JRK: variants seen among roughly 807,000 people sequenced by gnomAD.
JRK encodes the protein jerky protein homolog.
For missense variants in JRK, 720 were observed against 509.2 expected, an observed-to-expected ratio of 1.41 and a Z score of -3.98; for synonymous variants, 303 against 218.1, an observed-to-expected ratio of 1.39 and a Z score of -3.43.
At chr8:142,644,371 A>C in the JRK span, among the ~76,000 whole-genome samples, 1 of 152,122 alleles carries the variant, frequency 6.6e-6, no homozygotes, top group Non-Finnish European at 1.5e-5. Context: ...ATGTACACTA[A>C]GTCTTATCAG....
In JRK at chr8:142,658,625, G is replaced by A. The variant is rs1267198181; in HGVS notation, c.*5727C>T. ...TCTCATCGGCGAGCCCCACCCTCAC[G>A]ATCTCACCTAAGCCTAGTCACCTCC... is the stretch of plus-strand genomic sequence containing the variant. On this transcript the variant is annotated 3_prime_UTR_variant, in exon 2 of 2. Coordinates refer to ENST00000612905, the MANE Select transcript of JRK (RefSeq NM_003724.4). The A allele has an allele frequency of 2.0e-5, 10 of 491,022 alleles. No individual in the cohort carries two copies. The Admixed American group carries it at 2.2e-4, about 11-fold the overall frequency. 30.4% of individuals were successfully genotyped at this position (491,022 alleles called of 1,614,324 possible).
chr8:142,665,995 G>T lies in JRK; in HGVS notation c.64C>A (p.Leu22Met), dbSNP rs1216423790. The T allele has an allele frequency of 1.5e-6, 2 of 1,321,374 alleles. No homozygotes were observed. Among genetic ancestry groups the T allele is most frequent in the Non-Finnish European group, 2.2e-6 (2 of 913,340 alleles). 81.9% of individuals were successfully genotyped at this position (1,321,374 alleles called of 1,614,324 possible). The change falls in exon 2 of 2, where the codon CTG (leucine) becomes ATG (methionine). Residue 22 changes from leucine (L) to methionine (M), a missense_variant. Transcript: ENST00000612905. Reference sequence around the variant, plus strand: ...GTGCAGATGTCAATCTTCTCCTTCAGTGTCAGCACCACCCTCTTCCGCTTC... The same window carrying T: ...GTGCAGATGTCAATCTTCTCCTTCATTGTCAGCACCACCCTCTTCCGCTTC... ...GEKRKRVVLT[L>M]KEKIDICTRL...
chr8:142,645,838 T>C, the JRK span, among the ~76,000 whole-genome samples: 4 of 152,256 alleles, frequency 2.6e-5, no homozygotes, highest in Non-Finnish European at 4.4e-5. Context: ...CTGTCTCATA[T>C]AAAATTACTT....
chr8:142,660,801 G>A lies in JRK; in HGVS notation c.*3551C>T, dbSNP rs1846891313. 3 of 985,492 alleles carry A rather than the reference G, an allele frequency of 3.0e-6. No individual in the cohort carries two copies. Among genetic ancestry groups the A allele is most frequent in the South Asian group, 4.7e-5 (1 of 21,294 alleles). The allele number at this position is 985,492 out of a possible 1,614,324, so 61.0% of individuals were successfully genotyped here. On this transcript the variant is annotated 3_prime_UTR_variant, in exon 2 of 2. Transcript: ENST00000612905. ...CAAGTTGTCGCTGCCCTGTGCCACA[G>A]CCTCCCAAGAATGGATGCAGTCTAC...
chr8:142,657,123 G>C (rs1318603906), downstream of JRK, among the ~76,000 whole-genome samples: 2 of 152,196 alleles, frequency 1.3e-5, no homozygotes, highest in African/African-American at 4.8e-5. Context: ...GAAACTGGAG[G>C]AGCTCAGACA....
the JRK span, among the ~76,000 whole-genome samples, chr8:142,647,286 A>T: frequency 2.6e-5 from 4 of 152,084 alleles, no homozygotes; most frequent in Non-Finnish European, 5.9e-5. Flanking sequence ...AATGAAAAAA[A>T]ATTTCCTCAT....
In JRK at chr8:142,664,721, C is replaced by T. The variant is rs782102072; in HGVS notation, c.1338G>A (p.Glu446=). 19 of 1,604,222 alleles carry T rather than the reference C, an allele frequency of 1.2e-5. No homozygotes were observed. In the African/African-American group the frequency reaches 2.5e-4, roughly 21 times the overall value. ...QAASWGVAGR[E]AEGGRPPAAT... is the part of the protein sequence containing the mutation. ...CAGCAGGGGGCCGTCCCCCTTCTGC[C>T]TCCCTTCCCGCTACCCCCCAGCTGG... Residue 446 remains glutamate (E), a synonymous_variant, in exon 2 of 2, where the codon GAG becomes GAA. Coordinates refer to ENST00000612905, the MANE Select transcript of JRK (RefSeq NM_003724.4).
In JRK at chr8:142,661,216, G is replaced by A. The variant is rs891821162; in HGVS notation, c.*3136C>T. 8.1e-6 allele frequency: 8 copies of A among 985,460 alleles called. No homozygotes were observed. Among genetic ancestry groups the A allele is most frequent in the Non-Finnish European group, 9.6e-6 (8 of 830,050 alleles). The allele number at this position is 985,460 out of a possible 1,614,324, so 61.0% of individuals were successfully genotyped here. On this transcript the variant is annotated 3_prime_UTR_variant, in exon 2 of 2. Coordinates refer to ENST00000612905, the MANE Select transcript of JRK (RefSeq NM_003724.4). Reference sequence around the variant, plus strand: ...CCAGGACAGCGTGCCTGGGGTGCTCGCAGAAGGCCAGGCTGGCACAGGCAG... The same window carrying A: ...CCAGGACAGCGTGCCTGGGGTGCTCACAGAAGGCCAGGCTGGCACAGGCAG...
rs1401683232 is a variant in JRK at position 142,662,237 on chromosome 8, G to A, written c.*2115C>T. On this transcript the variant is annotated 3_prime_UTR_variant, in exon 2 of 2. Coordinates refer to ENST00000612905, the MANE Select transcript of JRK (RefSeq NM_003724.4). ...AGAGCTCAGGTCCTGAAGAGCTACA[G>A]TCTGACAGGGACAAGCCATGTCCAG... The A allele has an allele frequency of 1.0e-6, 1 of 985,390 alleles. No individual in the cohort carries two copies. Among genetic ancestry groups the A allele is most frequent in the African/African-American group, 1.7e-5 (1 of 57,236 alleles). The allele number at this position is 985,390 out of a possible 1,614,324, so 61.0% of individuals were successfully genotyped here. A position where few individuals can be genotyped will look rare whatever the true frequency, so the allele number is the denominator to read the frequency against.
Position 142,665,326 on chromosome 8 carries a change from T to C in JRK, c.733A>G (p.Lys245Glu), listed in dbSNP as rs1847078025. 1.4e-6 allele frequency: 1 copy of C among 717,668 alleles called. No homozygotes were observed. Among genetic ancestry groups the C allele is most frequent in the Non-Finnish European group, 2.6e-6 (1 of 385,088 alleles). 44.5% of individuals were successfully genotyped at this position (717,668 alleles called of 1,614,324 possible). ...GCGACGGGCAGGTGCTGGATGCCTT[T>C]GAAAGCCCTGGGACCGCTGCACTTC... ...IGKCSGPRAFKGIQHLPVAYK... is the reference protein window; with the variant it reads ...IGKCSGPRAFEGIQHLPVAYK... The change falls in exon 2 of 2, where the codon AAA (lysine) becomes GAA (glutamate). Residue 245 changes from lysine to glutamate, a missense_variant. Physicochemically the swap from Lys to Glu is moderately conservative, Grantham distance 56. Transcript: ENST00000612905.
the JRK span, among the ~76,000 whole-genome samples, chr8:142,647,551 GCTCT>G: frequency 4.6e-5 from 7 of 152,086 alleles, no homozygotes; most frequent in African/African-American, 1.4e-4. Flanking sequence ...CCCTGCACAA[GCTCT>G]CTCTCTTTGC....
downstream of JRK, among the ~76,000 whole-genome samples, chr8:142,652,484 C>A (rs1444170456): frequency 1.3e-5 from 2 of 152,150 alleles, no homozygotes; most frequent in Non-Finnish European, 2.9e-5. Flanking sequence ...AGATAAGAGA[C>A]AAATGGTTGC....
the JRK span, among the ~76,000 whole-genome samples, chr8:142,647,265 T>A: frequency 6.6e-6 from 1 of 151,916 alleles, no homozygotes; most frequent in Admixed American, 6.6e-5. Context: ...GCACTTAAAA[T>A]TTTTTTTCTT....
chr8:142,669,589 C>T (rs976892026), intron 1 of JRK, among the ~76,000 whole-genome samples: 18 of 152,176 alleles, frequency 1.2e-4, no homozygotes, highest in Non-Finnish European at 2.5e-4. Flanking sequence ...GTGACCAAGC[C>T]TCTCTGAGAG....
rs1307083978 is a variant in JRK, at chr8:142,663,152, CAAGAA to C, written c.*1195_*1199del. On this transcript the variant is annotated 3_prime_UTR_variant, in exon 2 of 2. Transcript: ENST00000612905. ...TGGTCAACAGAGTGAGACCCTGCCT[CAAGAA>C]AAGAAAAGGACAATGCACCTATTTT... 4 of 985,042 alleles carry C rather than the reference CAAGAA, an allele frequency of 4.1e-6. No homozygotes were observed. The African/African-American group carries it at 5.2e-5, about 13-fold the overall frequency. 61.0% of individuals were successfully genotyped at this position (985,042 alleles called of 1,614,324 possible).
In JRK at chr8:142,659,326, G is replaced by A; in HGVS notation, c.*5026C>T. On this transcript the variant is annotated 3_prime_UTR_variant, in exon 2 of 2. Coordinates refer to ENST00000612905, the MANE Select transcript of JRK (RefSeq NM_003724.4). The stretch of plus-strand genomic sequence containing the variant: ...CCCCAGAGCAGACCATGCTGACACT[G>A]GGCAACACATTCCCTGCTCTGGACC... The A allele has an allele frequency of 1.0e-6, 1 of 1,001,570 alleles. No individual in the cohort carries two copies. Among genetic ancestry groups the A allele is most frequent in the Non-Finnish European group, 1.2e-6 (1 of 839,962 alleles). 62.0% of individuals were successfully genotyped at this position (1,001,570 alleles called of 1,614,324 possible). A position where few individuals can be genotyped will look rare whatever the true frequency, so the allele number is the denominator to read the frequency against.
chr8:142,661,219 G>C lies in JRK; in HGVS notation c.*3133C>G, dbSNP rs1010185224. On this transcript the variant is annotated 3_prime_UTR_variant, in exon 2 of 2. Transcript: ENST00000612905. ...GGACAGCGTGCCTGGGGTGCTCGCA[G>C]AAGGCCAGGCTGGCACAGGCAGGAC... The C allele has an allele frequency of 3.6e-5, 35 of 985,500 alleles. No homozygotes were observed. Among genetic ancestry groups the C allele is most frequent in the Middle Eastern group, 5.1e-4 (1 of 1,944 alleles). 61.0% of individuals were successfully genotyped at this position (985,500 alleles called of 1,614,324 possible). A position where few individuals can be genotyped will look rare whatever the true frequency, so the allele number is the denominator to read the frequency against.
In JRK at chr8:142,661,275, A is replaced by T; in HGVS notation, c.*3077T>A. The stretch of plus-strand genomic sequence containing the variant: ...TTCTGTAAACCAACCCCAACGTAGA[A>T]GGGGCTGAAAGACCACCTACCCATC... On this transcript the variant is annotated 3_prime_UTR_variant, in exon 2 of 2. Transcript: ENST00000612905. 1.0e-6 allele frequency: 1 copy of T among 985,462 alleles called. No individual in the cohort carries two copies. Among genetic ancestry groups the T allele is most frequent in the Non-Finnish European group, 1.2e-6 (1 of 829,970 alleles). The allele number at this position is 985,462 out of a possible 1,614,324, so 61.0% of individuals were successfully genotyped here.
At chr8:142,656,738 C>T (rs1217798084), downstream of JRK, among the ~76,000 whole-genome samples, 1 of 152,184 alleles carries the variant, frequency 6.6e-6, no homozygotes, top group Non-Finnish European at 1.5e-5. Flanking sequence ...GCCTGCTTCT[C>T]CAGTGGCTCT....
Sources: gnomAD v4.1 joint callset for allele counts (sites outside exome capture counted in the v4.1 genomes callset) on GRCh38, gnomAD v4.1.1 for gene constraint, MANE v1.5 for transcripts, NCBI Gene and HGNC (gene_info 2026-07-23, HGNC 2026-07-21) for gene names.